Variants in CTBP2 observed in about 807,000 individuals in gnomAD.
CTBP2 encodes the protein C-terminal binding protein 2, also known as C-terminal-binding protein 2.
A neutral mutation model predicts 80.3 loss-of-function variants in CTBP2; 30 were observed. The observed-to-expected ratio is 0.37, with a 90% CI of 0.28 to 0.51. The LOEUF (loss-of-function observed/expected upper bound fraction) is 0.51, where lower values mean the gene tolerates loss of function less well. CTBP2 is among the 20% of genes least tolerant of loss of function. CTBP2 has a pLI of 0.93. For synonymous variants in CTBP2, 594 were observed against 587.4 expected, an observed-to-expected ratio of 1.01 and a Z score of -0.16; for missense variants, 1,212 against 1,375.3, an observed-to-expected ratio of 0.88 and a Z score of 1.88.
At chr10:125,118,614 C>T (rs1853749860) in intron 1 of CTBP2, among the ~76,000 whole-genome samples, 1 of 151,890 alleles carries the variant, frequency 6.6e-6, no homozygotes, top group African/African-American at 2.4e-5. Context: ...TGGGGCCTGG[C>T]TGCACCCCCA....
upstream of CTBP2, among the ~76,000 whole-genome samples, chr10:125,029,939 C>T (rs767537888): frequency 2.0e-5 from 3 of 152,118 alleles, no homozygotes; most frequent in African/African-American, 7.2e-5. Flanking sequence ...TGGGCAGATG[C>T]GCTTTGGGGC....
intron 1 of CTBP2, among the ~76,000 whole-genome samples, chr10:125,150,522 C>T (rs942877898): frequency 2.0e-5 from 3 of 152,116 alleles, no homozygotes; most frequent in Non-Finnish European, 4.4e-5. Context: ...TCAAAGGCCA[C>T]AAGAAGCCTC....
chr10:125,124,494 T>C (rs908171910), intron 1 of CTBP2, among the ~76,000 whole-genome samples: 2 of 152,224 alleles, frequency 1.3e-5, no homozygotes, highest in South Asian at 2.1e-4. Flanking sequence ...AATGTGCCAC[T>C]AGGTACACGT....
At chr10:125,082,284 C>T (rs1420559133) in intron 2 of CTBP2, among the ~76,000 whole-genome samples, 1 of 152,214 alleles carries the variant, frequency 6.6e-6, no homozygotes, top group Non-Finnish European at 1.5e-5. Context: ...GGAGATGTGG[C>T]CAGATGGGCT....
rs550812540 is a variant in CTBP2, at chr10:125,055,311, A to G, written c.-101-16156T>C. Reference sequence around the variant, plus strand: ...AGGGAACACCATGAGCCGAGGCAGGAGCTGGCCTCAACTGCAACACAAGGG... The same window carrying G: ...AGGGAACACCATGAGCCGAGGCAGGGGCTGGCCTCAACTGCAACACAAGGG... On this transcript the variant is annotated intron_variant, in intron 2 of 10. Transcript: ENST00000337195. 6.1e-4 allele frequency among the ~76,000 whole-genome samples: 93 copies of G among 152,326 alleles called. No individual in the cohort carries two copies. In the Middle Eastern group the frequency reaches 0.01, roughly 17 times the overall value.
chr10:125,083,032 C>A (rs1847413603), intron 2 of CTBP2, among the ~76,000 whole-genome samples: 1 of 152,182 alleles, frequency 6.6e-6, no homozygotes, highest in Non-Finnish European at 1.5e-5. Flanking sequence ...TCTCTCTGAG[C>A]CAGCACAGGG....
At chr10:125,109,944 A>C (rs1293288282) in intron 2 of CTBP2, among the ~76,000 whole-genome samples, 1 of 152,200 alleles carries the variant, frequency 6.6e-6, no homozygotes, top group Non-Finnish European at 1.5e-5. Context: ...GGAGAAAAGG[A>C]AGGGACACAC....
At chr10:125,033,669 A>G (rs1958512956) in intron 3 of CTBP2, among the ~76,000 whole-genome samples, 1 of 152,064 alleles carries the variant, frequency 6.6e-6, no homozygotes, top group Admixed American at 6.5e-5. Flanking sequence ...CTACGGATGC[A>G]CTGTTCCCCC....
intron 1 of CTBP2, among the ~76,000 whole-genome samples, chr10:125,010,165 A>G (rs1955709830): frequency 6.7e-6 from 1 of 150,188 alleles, no homozygotes; most frequent in South Asian, 2.1e-4. Context: ...GAGCAGCTTC[A>G]AGGCATAATT....
chr10:125,157,523 C>T (rs1017796728), intron 1 of CTBP2, among the ~76,000 whole-genome samples: 2 of 152,140 alleles, frequency 1.3e-5, no homozygotes, highest in Admixed American at 1.3e-4. Flanking sequence ...TTAATTCCCT[C>T]TAATAACTGC....
chr10:125,051,468 C>T (rs891605232), intron 2 of CTBP2, among the ~76,000 whole-genome samples: 2 of 152,118 alleles, frequency 1.3e-5, no homozygotes, highest in African/African-American at 4.8e-5. Context: ...GGCAAAACCC[C>T]ATCTCTACTA....
In CTBP2 at chr10:124,984,604, C is replaced by A; in HGVS notation, c.*4914G>T. ...TATGTCTTTTTAAATTTAACCAGAG[C>A]AAACTGGACTTTAATCACAAAACTT... On this transcript the variant is annotated 3_prime_UTR_variant, in exon 9 of 9. Coordinates refer to ENST00000309035, the MANE Select transcript of CTBP2 (RefSeq NM_022802.3). The A allele has an allele frequency of 1.6e-6, 1 of 620,130 alleles. No individual in the cohort carries two copies. Among genetic ancestry groups the A allele is most frequent in the Non-Finnish European group, 2.7e-6 (1 of 371,098 alleles). The allele number at this position is 620,130 out of a possible 1,614,324, so 38.4% of individuals were successfully genotyped here.
upstream of CTBP2, among the ~76,000 whole-genome samples, chr10:125,031,482 C>T (rs1958189463): frequency 1.3e-5 from 1 of 76,416 alleles, no homozygotes; most frequent in South Asian, 6.7e-4. Context: ...GAGCAAGACT[C>T]CATTTCAAAA....
chr10:125,028,334 A>G (rs904707889), upstream of CTBP2, among the ~76,000 whole-genome samples: 6 of 152,232 alleles, frequency 3.9e-5, no homozygotes, highest in Non-Finnish European at 8.8e-5. Flanking sequence ...GAGAGGTAAC[A>G]GAAGCAAAAT....
rs1399586454 is a variant in CTBP2 at position 124,988,938 on chromosome 10, C to T, written c.*580G>A. ...TTTTACTGAACTTACAACCGACTTG[C>T]CCGCTCAGTATGCAGTTCAGATGTG... On this transcript the variant is annotated 3_prime_UTR_variant, in exon 9 of 9. Transcript: ENST00000309035. 1 of 152,068 alleles carries T rather than the reference C, an allele frequency of 6.6e-6. No individual in the cohort carries two copies. The highest frequency in any genetic ancestry group is 1.9e-4 in the East Asian group (1 of 5,172). The allele number at this position is 152,068 out of a possible 1,614,324, so 9.4% of individuals were successfully genotyped here. A position where few individuals can be genotyped will look rare whatever the true frequency, so the allele number is the denominator to read the frequency against.
upstream of CTBP2, among the ~76,000 whole-genome samples, chr10:125,162,104 A>C (rs112494336): frequency 6.6e-6 from 1 of 152,226 alleles, no homozygotes; most frequent in Non-Finnish European, 1.5e-5. Flanking sequence ...TGCGTCCTCC[A>C]AGAATCCCTG....
chr10:125,073,774 T>C (rs891573324), intron 2 of CTBP2, among the ~76,000 whole-genome samples: 4 of 152,144 alleles, frequency 2.6e-5, no homozygotes, highest in Non-Finnish European at 5.9e-5. Flanking sequence ...ACTGGACACA[T>C]AAAATGGCCA....
intron 2 of CTBP2, among the ~76,000 whole-genome samples, chr10:125,047,973 A>G (rs1961685306): frequency 6.6e-6 from 1 of 152,138 alleles, no homozygotes; most frequent in African/African-American, 2.4e-5. Flanking sequence ...TTGCCTTTGA[A>G]TTTTGCCTCA....
Position 125,027,217 on chromosome 10 carries a change from GCT to G in CTBP2, c.541_542del (p.Ser181GlnfsTer39). On this transcript the variant is annotated frameshift_variant, in exon 1 of 9. Coordinates refer to ENST00000309035, the MANE Select transcript of CTBP2 (RefSeq NM_022802.3). LOFTEE classifies it high-confidence loss of function. ...CATACCGCCCGGGAGATGCAGCCCT[GCT>G]CTGTGTCTGCCGCCCCTGAGGGATC... 1 of 1,613,130 alleles carries G rather than the reference GCT, an allele frequency of 6.2e-7. No homozygotes were observed. The highest frequency in any genetic ancestry group is 2.2e-5 in the East Asian group (1 of 44,868).
Sources: gnomAD v4.1 joint callset for allele counts (sites outside exome capture counted in the v4.1 genomes callset) on GRCh38, gnomAD v4.1.1 for gene constraint, MANE v1.5 for transcripts, NCBI Gene and HGNC (gene_info 2026-07-23, HGNC 2026-07-21) for gene names.